Variants in PAPOLG observed in about 807,000 individuals in gnomAD.
The protein encoded by PAPOLG is poly(A) polymerase gamma.
In PAPOLG, 40 loss-of-function variants were observed where a neutral mutation model predicts 99.0. The ratio of observed to expected loss-of-function variants is 0.40; its 90% CI spans 0.31 to 0.53. The LOEUF (loss-of-function observed/expected upper bound fraction) is 0.53. Among genes scored for constraint, PAPOLG ranks in the 20% least tolerant of loss-of-function variants. The probability of loss-of-function intolerance (pLI) is 0.41; values close to 1 mark genes in which losing one functional copy is unlikely to be tolerated. For synonymous variants in PAPOLG, 310 were observed against 299.3 expected, an observed-to-expected ratio of 1.04 and a Z score of -0.37; for missense variants, 675 against 884.1, an observed-to-expected ratio of 0.76 and a Z score of 3.00.
intron 15 of PAPOLG, among the ~76,000 whole-genome samples, chr2:60,790,319 A>T (rs1440487785): frequency 6.6e-6 from 1 of 152,186 alleles, no homozygotes; most frequent in Non-Finnish European, 1.5e-5. Flanking sequence ...AATTTATAAG[A>T]TATTATTTTT....
intron 13 of PAPOLG, 112 bp downstream of exon 13, chr2:60,783,321 T>TCA: frequency 6.7e-5 from 21 of 312,210 alleles, no homozygotes; most frequent in Admixed American, 9.5e-5. Context: ...AATTATTATA[T>TCA]CTCTTTTTTT....
chr2:60,772,446 CAA>C (rs35297734), intron 7 of PAPOLG, among the ~76,000 whole-genome samples: 57 of 84,064 alleles, frequency 6.8e-4, no homozygotes, highest in Admixed American at 9.6e-4. Flanking sequence ...GACCCTGTCT[CAA>C]AAAAAAAAAA....
At chr2:60,792,927 T>G (rs901779821) in intron 17 of PAPOLG, among the ~76,000 whole-genome samples, 2 of 152,072 alleles carry the variant, frequency 1.3e-5, no homozygotes, top group Non-Finnish European at 2.9e-5. Context: ...TCCCAGCTAC[T>G]TGGGAGGCTG....
chr2:60,791,893 A>G lies in PAPOLG; in HGVS notation c.1518+11A>G, dbSNP rs1671546542. ...CAAAAGAAGAAAAAGGTGAGTTTAT[A>G]ATCTTAACCCTTCAGTATGGTTTTA... On this transcript the variant is annotated intron_variant, in intron 16 of 21. Coordinates refer to ENST00000238714, the MANE Select transcript of PAPOLG (RefSeq NM_022894.4). The G allele has an allele frequency of 1.9e-6, 3 of 1,610,504 alleles. No homozygotes were observed. The highest frequency in any genetic ancestry group is 2.5e-6 in the Non-Finnish European group (3 of 1,179,058).
In PAPOLG at chr2:60,791,902, C is replaced by A. The variant is rs761940674; in HGVS notation, c.1518+20C>A. 3.1e-6 allele frequency: 5 copies of A among 1,607,160 alleles called. No homozygotes were observed. In the South Asian group the frequency reaches 5.5e-5, roughly 18 times the overall value. ...AAAAAGGTGAGTTTATAATCTTAAC[C>A]CTTCAGTATGGTTTTACTCAGACAA... On this transcript the variant is annotated intron_variant, in intron 16 of 21. Transcript: ENST00000238714.
At chr2:60,765,235 CTTT>C (rs557009182) in intron 3 of PAPOLG, among the ~76,000 whole-genome samples, 4 of 119,858 alleles carry the variant, frequency 3.3e-5, no homozygotes, top group African/African-American at 3.0e-5. Flanking sequence ...TGCCTAGCTA[CTTT>C]TTTTTTTTTT....
At chr2:60,756,858 A>C (rs1021834127) in intron 1 of PAPOLG, among the ~76,000 whole-genome samples, 40 of 151,976 alleles carry the variant, frequency 2.6e-4, no homozygotes, top group African/African-American at 8.9e-4. Flanking sequence ...CGCAAATACC[A>C]TCCCCCTGCC....
chr2:60,800,192 A>T lies in PAPOLG; in HGVS notation c.*3032A>T, dbSNP rs1012943248. ...GAGAATTATTATTTTTTTATTTTTT[A>T]TTTTTTTATGAAGACAAGAGTTTCA... On this transcript the variant is annotated 3_prime_UTR_variant, in exon 22 of 22. Coordinates refer to ENST00000238714, the MANE Select transcript of PAPOLG (RefSeq NM_022894.4). The T allele has an allele frequency of 1.3e-5, 2 of 151,758 alleles. No individual in the cohort carries two copies. The highest frequency in any genetic ancestry group is 3.9e-4 in the East Asian group (2 of 5,188). 9.4% of individuals were successfully genotyped at this position (151,758 alleles called of 1,614,324 possible). A position where few individuals can be genotyped will look rare whatever the true frequency, so the allele number is the denominator to read the frequency against.
chr2:60,790,373 A>G (rs913925293), intron 15 of PAPOLG, among the ~76,000 whole-genome samples: 3 of 152,210 alleles, frequency 2.0e-5, no homozygotes, highest in East Asian at 1.9e-4. Flanking sequence ...ATAATTTACT[A>G]CATCTCACAG....
intron 8 of PAPOLG, among the ~76,000 whole-genome samples, chr2:60,776,451 G>A (rs535796306): frequency 2.5e-4 from 28 of 113,942 alleles, no homozygotes; most frequent in African/African-American, 8.5e-4. Flanking sequence ...TTTTTGAGAT[G>A]GAGTCTCACT....
intron 21 of PAPOLG, 150 bp from the exon 22 acceptor site, chr2:60,796,912 G>A (rs913988849): frequency 5.1e-5 from 48 of 948,898 alleles, no homozygotes; most frequent in Admixed American, 1.5e-4. Context: ...CTATGAACAC[G>A]GAAGGAAATA....
chr2:60,765,311 C>G (rs1670642171), intron 3 of PAPOLG, among the ~76,000 whole-genome samples: 1 of 145,766 alleles, frequency 6.9e-6, no homozygotes, highest in African/African-American at 2.5e-5. Flanking sequence ...CTCTTGTACT[C>G]AAGTGATCCT....
intron 3 of PAPOLG, among the ~76,000 whole-genome samples, chr2:60,763,628 C>G (rs1396695069): frequency 6.6e-6 from 1 of 152,004 alleles, no homozygotes; most frequent in Non-Finnish European, 1.5e-5. Context: ...CTTAGCCGCC[C>G]AAGTAGCTGG....
rs572315816 is a variant in PAPOLG at position 60,797,843 on chromosome 2, G to A, written c.*683G>A. 6.5e-6 allele frequency: 1 copy of A among 152,810 alleles called. No homozygotes were observed. The highest frequency in any genetic ancestry group is 6.5e-5 in the Admixed American group (1 of 15,288). 9.5% of individuals were successfully genotyped at this position (152,810 alleles called of 1,614,324 possible). The stretch of plus-strand genomic sequence containing the variant: ...AGTCCAGTGATTACATAAGAGTTGG[G>A]CACCATAAATTCTCTATATTTTGCC... On this transcript the variant is annotated 3_prime_UTR_variant, in exon 22 of 22. Transcript: ENST00000238714.
intron 4 of PAPOLG, 71 bp from the exon 5 acceptor site, chr2:60,768,710 T>C (rs903141199): frequency 2.1e-5 from 29 of 1,392,522 alleles, no homozygotes; most frequent in African/African-American, 5.9e-5. Context: ...TCTGTACATA[T>C]GTTTGTGTGT....
In PAPOLG at chr2:60,782,018, C is replaced by G. The variant is rs1341312317; in HGVS notation, c.1027+13C>G. On this transcript the variant is annotated intron_variant, in intron 11 of 21. Transcript: ENST00000238714. ...GAATTTAAACAAGGTAAACATGTGG[C>G]CCTGTTGCCCTTTACATATTCCCAC... The G allele has an allele frequency of 2.5e-6, 4 of 1,611,828 alleles. 1 individual carries two copies. In the South Asian group the frequency reaches 3.3e-5, roughly 13 times the overall value.
intron 13 of PAPOLG, among the ~76,000 whole-genome samples, chr2:60,785,544 T>C (rs895080081): frequency 7.2e-5 from 11 of 152,136 alleles, no homozygotes; most frequent in African/African-American, 2.7e-4. Context: ...ATTTTTTTTT[T>C]TAGAGACGGA....
chr2:60,786,660 C>T (rs1037959161), intron 13 of PAPOLG, among the ~76,000 whole-genome samples: 1 of 152,116 alleles, frequency 6.6e-6, no homozygotes, highest in Non-Finnish European at 1.5e-5. Flanking sequence ...TCCCAAGTAG[C>T]TGGGATTACA....
chr2:60,797,373 G>A lies in PAPOLG; in HGVS notation c.*213G>A. 1.8e-6 allele frequency: 1 copy of A among 569,462 alleles called. No individual in the cohort carries two copies. The highest frequency in any genetic ancestry group is 2.9e-5 in the East Asian group (1 of 34,014). The allele number at this position is 569,462 out of a possible 1,614,324, so 35.3% of individuals were successfully genotyped here. A position where few individuals can be genotyped will look rare whatever the true frequency, so the allele number is the denominator to read the frequency against. On this transcript the variant is annotated 3_prime_UTR_variant, in exon 22 of 22. Transcript: ENST00000238714. ...TGATTGCTACATACACTTCTCTGAG[G>A]ATCACCTGCTGTCAAATTGCCATCT...
Sources: gnomAD v4.1 joint callset for allele counts (sites outside exome capture counted in the v4.1 genomes callset) on GRCh38, gnomAD v4.1.1 for gene constraint, MANE v1.5 for transcripts, NCBI Gene and HGNC (gene_info 2026-07-23, HGNC 2026-07-21) for gene names.